The following ITGA8 variants were observed in gnomAD, a reference collection of about 807,000 sequenced individuals.
ITGA8 encodes the protein integrin alpha-8.
Under a neutral mutation model 142.3 loss-of-function variants are expected in ITGA8, and 91 were observed. The observed-to-expected ratio is 0.64, with a 90% CI of 0.54 to 0.76. ITGA8 has a LOEUF of 0.76. Among genes scored for constraint, ITGA8 ranks in the 30% least tolerant of loss-of-function variants. The pLI is 0.00. For synonymous variants in ITGA8, 505 were observed against 485.2 expected (o/e 1.04, Z -0.54); for missense variants, 1,406 against 1,327.7 (o/e 1.06, Z -0.92).
At chr10:15,696,589 T>A (rs927909352) in intron 2 of ITGA8, among the ~76,000 whole-genome samples, 1 of 152,286 alleles carries the variant, frequency 6.6e-6, no homozygotes, top group South Asian at 2.1e-4. Flanking sequence ...TAACATTTGC[T>A]CTACTTCAAG....
At chr10:15,683,333 C>G (rs1834776961) in intron 4 of ITGA8, among the ~76,000 whole-genome samples, 2 of 137,706 alleles carry the variant, frequency 1.5e-5, no homozygotes, top group Non-Finnish European at 3.2e-5. Flanking sequence ...ACCCACCCAT[C>G]CATCCATCCA....
At chr10:15,625,980 C>A (rs1190819436) in intron 13 of ITGA8, among the ~76,000 whole-genome samples, 1 of 152,172 alleles carries the variant, frequency 6.6e-6, no homozygotes, top group Non-Finnish European at 1.5e-5. Context: ...CTGGGACTAG[C>A]CATGTTCAAA....
At chr10:15,554,420 A>C (rs569984268) in intron 26 of ITGA8, among the ~76,000 whole-genome samples, 127 of 152,280 alleles carry the variant, frequency 8.3e-4, no homozygotes, top group Non-Finnish European at 1.5e-3. Context: ...CTTTTGGGCT[A>C]GTGCCTCTCT....
chr10:15,559,724 A>G (rs1833942155), intron 25 of ITGA8, among the ~76,000 whole-genome samples: 1 of 151,528 alleles, frequency 6.6e-6, no homozygotes, highest in Non-Finnish European at 1.5e-5. Context: ...ACATAGGAAC[A>G]GAAAAACCAA....
chr10:15,605,707 T>C lies in ITGA8; in HGVS notation c.1970+17A>G. The C allele has an allele frequency of 6.3e-7, 1 of 1,595,560 alleles. No individual in the cohort carries two copies. The highest frequency in any genetic ancestry group is 8.6e-7 in the Non-Finnish European group (1 of 1,163,282). ...TTCCATTAGATAGAAAGTACACATTTAGTTATTTAAACTTACGGTCTAGCC... is the reference window on the plus strand; with the variant it reads ...TTCCATTAGATAGAAAGTACACATTCAGTTATTTAAACTTACGGTCTAGCC... On this transcript the variant is annotated intron_variant, in intron 19 of 29. Transcript: ENST00000378076.
At chr10:15,547,347 G>A (rs1833693701) in intron 27 of ITGA8, among the ~76,000 whole-genome samples, 1 of 152,220 alleles carries the variant, frequency 6.6e-6, no homozygotes, top group African/African-American at 2.4e-5. Flanking sequence ...TGAAGCACGT[G>A]GATCAGTCGA....
intron 24 of ITGA8, 124 bp downstream of exon 24, chr10:15,575,365 G>T: frequency 1.4e-6 from 1 of 715,806 alleles, no homozygotes; most frequent in Non-Finnish European, 2.4e-6. Context: ...ACTCCAGCCT[G>T]GGAGACACAG....
rs116514583 is a variant in ITGA8, at chr10:15,709,279, G to A, written c.343+9487C>T. 5.5e-3 allele frequency among the ~76,000 whole-genome samples: 832 copies of A among 152,264 alleles called. 7 individuals carry two copies. The highest frequency in any genetic ancestry group is 0.019 in the African/African-American group (803 of 41,536). On this transcript the variant is annotated intron_variant, in intron 2 of 29. Coordinates refer to ENST00000378076, the MANE Select transcript of ITGA8 (RefSeq NM_003638.3). ...TTTCATTCTGTCAGTTCTCCTCCCC[G>A]AAACTTCTCACTTTTCTCTGCTCAA...
chr10:15,635,181 A>AC (rs1306091630), intron 13 of ITGA8, among the ~76,000 whole-genome samples: 2 of 151,164 alleles, frequency 1.3e-5, no homozygotes, highest in East Asian at 3.9e-4. Context: ...TAATTTTTGT[A>AC]TTTTTAGTAG....
At chr10:15,635,511 G>C (rs1833758478) in intron 13 of ITGA8, among the ~76,000 whole-genome samples, 1 of 152,080 alleles carries the variant, frequency 6.6e-6, no homozygotes. Context: ...AATCACACGT[G>C]GGAGAACTGG....
At chr10:15,533,463 G>A (rs1317411819) in intron 27 of ITGA8, among the ~76,000 whole-genome samples, 1 of 152,094 alleles carries the variant, frequency 6.6e-6, no homozygotes, top group Non-Finnish European at 1.5e-5. Context: ...GTGTGTACCT[G>A]GTGATTTCAA....
chr10:15,642,517 G>C (rs1833889764), intron 13 of ITGA8, among the ~76,000 whole-genome samples: 1 of 152,084 alleles, frequency 6.6e-6, no homozygotes, highest in Non-Finnish European at 1.5e-5. Context: ...TTTTGGGGTA[G>C]GAATTACATA....
intron 2 of ITGA8, among the ~76,000 whole-genome samples, chr10:15,713,853 T>C (rs1319024963): frequency 2.6e-5 from 4 of 152,256 alleles, no homozygotes; most frequent in Admixed American, 2.6e-4. Context: ...AAGTTTTCTT[T>C]TCTTTTCTTT....
intron 2 of ITGA8, among the ~76,000 whole-genome samples, chr10:15,716,014 CT>C (rs1378976516): frequency 1.3e-5 from 2 of 152,226 alleles, no homozygotes; most frequent in East Asian, 1.9e-4. Context: ...ATAGTACCCC[CT>C]GATGGCCGAC....
At chr10:15,689,687 G>T (rs572336362) in intron 2 of ITGA8, among the ~76,000 whole-genome samples, 1 of 152,164 alleles carries the variant, frequency 6.6e-6, no homozygotes, top group Admixed American at 6.5e-5. Flanking sequence ...AGTGCATCCC[G>T]CTCTGGGGGC....
rs143079827 is a variant in ITGA8, at chr10:15,592,759, C to A, written c.2212-455G>T. 4.9e-4 allele frequency among the ~76,000 whole-genome samples: 74 copies of A among 152,256 alleles called. No individual in the cohort carries two copies. The South Asian group carries it at 0.012, about 24-fold the overall frequency. On this transcript the variant is annotated intron_variant, in intron 21 of 29. Coordinates refer to ENST00000378076, the MANE Select transcript of ITGA8 (RefSeq NM_003638.3). ...AGCAAGGGTCACAGGTGCACACCAC[C>A]ACACCTGGTTAACTTTTTTGTTATT...
At chr10:15,534,699 T>A (rs755471514) in intron 27 of ITGA8, among the ~76,000 whole-genome samples, 21 of 150,920 alleles carry the variant, frequency 1.4e-4, no homozygotes, top group Non-Finnish European at 2.9e-5. Context: ...GGGCTACAGT[T>A]CCTTTGAAGG....
chr10:15,569,252 G>A (rs920232813), intron 25 of ITGA8, among the ~76,000 whole-genome samples: 1 of 152,198 alleles, frequency 6.6e-6, no homozygotes, highest in Admixed American at 6.5e-5. Flanking sequence ...AAGCTGGGGA[G>A]AGAGCGCCTC....
At chr10:15,543,530 G>C (rs1833612601) in intron 27 of ITGA8, among the ~76,000 whole-genome samples, 2 of 152,156 alleles carry the variant, frequency 1.3e-5, no homozygotes, top group African/African-American at 4.8e-5. Context: ...TAATGTCTAA[G>C]AGTAGATGGA....
Sources: allele counts gnomAD v4.1 joint callset (sites outside exome capture counted in the v4.1 genomes callset), GRCh38; gene constraint gnomAD v4.1.1; transcripts MANE v1.5; gene names NCBI Gene and HGNC (gene_info 2026-07-23, HGNC 2026-07-21).